RASGRP2: variants seen among roughly 807,000 people sequenced by gnomAD.
RASGRP2 encodes the protein RAS guanyl releasing protein 2.
A neutral mutation model predicts 71.0 loss-of-function variants in RASGRP2; 44 were observed. That is an observed-to-expected ratio of 0.62 (90% CI 0.49 to 0.80). The LOEUF (loss-of-function observed/expected upper bound fraction) is 0.80. RASGRP2 is among the 30% of genes least tolerant of loss of function. The pLI, the probability that RASGRP2 is intolerant of heterozygous loss-of-function variation, is 0.00. For missense variants in RASGRP2, 663 were observed against 813.4 expected, an observed-to-expected ratio of 0.82 and a Z score of 2.25; for synonymous variants, 350 against 330.7, an observed-to-expected ratio of 1.06 and a Z score of -0.63.
At position 64,743,873 on chromosome 11, in the gene RASGRP2, G is replaced by A. The variant is rs2058226172; in HGVS notation, c.-72+130C>T. The A allele has an allele frequency of 1.8e-6, 1 of 555,018 alleles. No individual in the cohort carries two copies. Among genetic ancestry groups the A allele is most frequent in the Non-Finnish European group, 2.4e-6 (1 of 419,380 alleles). 34.4% of individuals were successfully genotyped at this position (555,018 alleles called of 1,614,324 possible). A position where few individuals can be genotyped will look rare whatever the true frequency, so the allele number is the denominator to read the frequency against. On this transcript the variant is annotated intron_variant, in intron 1 of 16. Transcript: ENST00000394432. This position sits in a 1 kb window ranked among gnomAD's most constrained non-coding sequence, Gnocchi z 4.9. ...TATTCGTCGGAGGCCGGGGACCTAAGTGGAGGTGCAGGCGTCCGCACTTAC... is the reference window on the plus strand; with the variant it reads ...TATTCGTCGGAGGCCGGGGACCTAAATGGAGGTGCAGGCGTCCGCACTTAC...
chr11:64,741,104 G>T, intron 4 of RASGRP2, 25 bp from the exon 5 acceptor site: 1 of 1,609,640 alleles, frequency 6.2e-7, no homozygotes. Context: ...AGTCACCCAA[G>T]ATAGCCCTTC....
Position 64,730,083 on chromosome 11 carries a change from G to A in RASGRP2, c.1524C>T (p.Arg508=), listed in dbSNP as rs1216024059. The A allele has an allele frequency of 1.3e-6, 2 of 1,550,294 alleles. No individual in the cohort carries two copies. The highest frequency in any genetic ancestry group is 1.7e-6 in the Non-Finnish European group (2 of 1,147,348). ...VHNFQESNSL[R]PVACRHCKAL... is the part of the protein sequence containing the mutation. ...CTTTGCAGTGGCGGCAGGCGACGGG[G>A]CGCAAGGAGTTGCTCTCCTGGAAGT... The change falls in exon 13 of 17, where the codon CGC becomes CGT. Residue 508 remains arginine, a synonymous_variant. Coordinates refer to ENST00000394432, the MANE Select transcript of RASGRP2 (RefSeq NM_001098671.2).
chr11:64,727,320 C>CA lies in RASGRP2; in HGVS notation c.1811dup (p.Phe605ValfsTer2). Reference sequence around the variant, plus strand: ...CCATCTATTACAAGTGGATGTCAAACACCCCATCCTCCACCGTCTGTACCT... The same window carrying CA: ...CCATCTATTACAAGTGGATGTCAAACAACCCCATCCTCCACCGTCTGTACCT... On this transcript the variant is annotated frameshift_variant, in exon 16 of 17. Coordinates refer to ENST00000394432, the MANE Select transcript of RASGRP2 (RefSeq NM_001098671.2). LOFTEE classifies it high-confidence loss of function. The CA allele has an allele frequency of 6.2e-7, 1 of 1,613,872 alleles. No individual in the cohort carries two copies. The highest frequency in any genetic ancestry group is 8.5e-7 in the Non-Finnish European group (1 of 1,179,886).
intron 12 of RASGRP2, among the ~76,000 whole-genome samples, chr11:64,731,450 A>G (rs2057767013): frequency 6.6e-6 from 1 of 152,144 alleles, no homozygotes; most frequent in Non-Finnish European, 1.5e-5. Flanking sequence ...AAGAAGCCAG[A>G]AAGGAAAAGA....
At position 64,742,266 on chromosome 11, in the gene RASGRP2, A is replaced by G. The variant is rs1201042375; in HGVS notation, c.74-154T>C. On this transcript the variant is annotated intron_variant, in intron 2 of 16. Transcript: ENST00000394432. The surrounding 1 kb of genome is among the most constrained non-coding windows in gnomAD (Gnocchi z 4.7). ...CCAGGACTCCGAGAGCAGGAGGCAA[A>G]TTAGAGAGGAAAGGTGTGGTGGGCG... is the stretch of plus-strand genomic sequence containing the variant. 1.3e-5 allele frequency among the ~76,000 whole-genome samples: 2 copies of G among 151,990 alleles called. No homozygotes were observed. The highest frequency in any genetic ancestry group is 2.9e-5 in the Non-Finnish European group (2 of 67,970).
chr11:64,735,077 C>T lies in RASGRP2; in HGVS notation c.1412+35G>A, dbSNP rs1157868394. Reference sequence around the variant, plus strand: ...GCCCAGGCAGAAGTGGGCTGAGTTGCCTTCCCTCTCCCCCAGGTCCCCAGC... The same window carrying T: ...GCCCAGGCAGAAGTGGGCTGAGTTGTCTTCCCTCTCCCCCAGGTCCCCAGC... On this transcript the variant is annotated intron_variant, in intron 12 of 16. Transcript: ENST00000394432. The surrounding 1 kb of genome is among the most constrained non-coding windows in gnomAD (Gnocchi z 4.2). The T allele has an allele frequency of 1.3e-6, 2 of 1,524,256 alleles. No individual in the cohort carries two copies. The highest frequency in any genetic ancestry group is 2.2e-5 in the South Asian group (2 of 89,330). 94.4% of individuals were successfully genotyped at this position (1,524,256 alleles called of 1,614,324 possible).
At chr11:64,736,194 A>C (rs1244130884) in intron 9 of RASGRP2, among the ~76,000 whole-genome samples, 1 of 152,180 alleles carries the variant, frequency 6.6e-6, no homozygotes, top group Non-Finnish European at 1.5e-5. Flanking sequence ...TGAACACAAC[A>C]TATTGCCAAG....
rs1367371300 is a variant in RASGRP2, at chr11:64,742,963, G to C, written c.-71-26C>G. 1 of 1,516,934 alleles carries C rather than the reference G, an allele frequency of 6.6e-7. No homozygotes were observed. The highest frequency in any genetic ancestry group is 2.0e-5 in the Admixed American group (1 of 48,924). 94.0% of individuals were successfully genotyped at this position (1,516,934 alleles called of 1,614,324 possible). A position where few individuals can be genotyped will look rare whatever the true frequency, so the allele number is the denominator to read the frequency against. On this transcript the variant is annotated intron_variant, in intron 1 of 16. Transcript: ENST00000394432. The surrounding 1 kb of genome is among the most constrained non-coding windows in gnomAD (Gnocchi z 4.7). ...CTGTCCCGGGAGAGGCAGAGCGGGA[G>C]TCTGCGGAGTCGCGGGCGGGGGAGC...
upstream of RASGRP2, chr11:64,745,186 A>T (rs1307554863): frequency 1.3e-5 from 2 of 151,152 alleles, no homozygotes; most frequent in Non-Finnish European, 3.0e-5. Context: ...TGTCGGGCGG[A>T]GGAAGCCGGG....
chr11:64,742,856 G>A lies in RASGRP2; in HGVS notation c.11C>T (p.Thr4Ile). Residue 4 changes from threonine (T) to isoleucine (I), a missense_variant, in exon 2 of 17, where the codon ACC becomes ATC. Coordinates refer to ENST00000394432, the MANE Select transcript of RASGRP2 (RefSeq NM_001098671.2). The surrounding 1 kb of genome is among the most constrained non-coding windows in gnomAD (Gnocchi z 4.7). The part of the protein sequence containing the change: MAG[T>I]LDLDKGCTVE... The stretch of plus-strand genomic sequence containing the variant: ...CGTGCAGCCCTTGTCCAGGTCCAGG[G>A]TGCCTGCCATGGCCGCCGGCGCGGG... 6.2e-7 allele frequency: 1 copy of A among 1,600,784 alleles called. No individual in the cohort carries two copies. The highest frequency in any genetic ancestry group is 8.5e-7 in the Non-Finnish European group (1 of 1,176,030).
At chr11:64,736,676 A>G (rs1269122183) in intron 9 of RASGRP2, 77 bp downstream of exon 9, 1 of 1,482,262 alleles carries the variant, frequency 6.7e-7, no homozygotes, top group African/African-American at 1.4e-5. Flanking sequence ...GCCCCAGGCC[A>G]CGCCCACAGC....
At chr11:64,733,248 G>C (rs533596537) in intron 12 of RASGRP2, among the ~76,000 whole-genome samples, 2 of 152,236 alleles carry the variant, frequency 1.3e-5, no homozygotes, top group East Asian at 1.9e-4. Flanking sequence ...TTGTAAGAAA[G>C]AAATGGAAAC....
chr11:64,739,674 G>A lies in RASGRP2; in HGVS notation c.658C>T (p.Arg220Trp), dbSNP rs1352326694. The change falls in exon 7 of 17, where the codon CGG (arginine) becomes TGG (tryptophan). Residue 220 changes from arginine (R) to tryptophan (W), a missense_variant. Physicochemically the swap from Arg to Trp is moderately radical, Grantham distance 101. Transcript: ENST00000394432. This position sits in a 1 kb window ranked among gnomAD's most constrained non-coding sequence, Gnocchi z 4.2. The stretch of plus-strand genomic sequence containing the variant: ...ACAAAGTGTGTGATGACCAGGGCCC[G>A]CTGCGGGGCTGTGGGTTTGCTGAGG... ...MILSKPTAPQ[R>W]ALVITHFVHV... 6 of 1,613,960 alleles carry A rather than the reference G, an allele frequency of 3.7e-6. No individual in the cohort carries two copies. Among genetic ancestry groups the A allele is most frequent in the East Asian group, 2.2e-5 (1 of 44,876 alleles).
intron 8 of RASGRP2, among the ~76,000 whole-genome samples, chr11:64,738,777 C>CAATACTTCAA (rs1321220195): frequency 1.3e-5 from 2 of 151,674 alleles, no homozygotes; most frequent in Non-Finnish European, 2.9e-5. Flanking sequence ...GTATGTTACT[C>CAATACTTCAA]AATACTTCAA....
At chr11:64,729,106 G>A (rs1396579659) in intron 14 of RASGRP2, 64 bp from the exon 15 acceptor site, 21 of 1,483,984 alleles carry the variant, frequency 1.4e-5, no homozygotes, top group South Asian at 6.0e-5. Context: ...ATCCCATCCC[G>A]CAGGCTTGTG....
At position 64,743,628 on chromosome 11, in the gene RASGRP2, T is replaced by C. The variant is rs954897645; in HGVS notation, c.-72+375A>G. ...GCCACCTCCGCAAAGGTCCCAGGGGTCCCGGCTCAGCTTGTCCACAGGCCC... is the reference window on the plus strand; with the variant it reads ...GCCACCTCCGCAAAGGTCCCAGGGGCCCCGGCTCAGCTTGTCCACAGGCCC... On this transcript the variant is annotated intron_variant, in intron 1 of 16. Transcript: ENST00000394432. The surrounding 1 kb of genome is among the most constrained non-coding windows in gnomAD (Gnocchi z 4.9). 2.9e-5 allele frequency: 12 copies of C among 418,434 alleles called. No individual in the cohort carries two copies. Among genetic ancestry groups the C allele is most frequent in the African/African-American group, 2.1e-4 (10 of 47,504 alleles). The allele number at this position is 418,434 out of a possible 1,614,324, so 25.9% of individuals were successfully genotyped here.
chr11:64,743,180 G>A lies in RASGRP2; in HGVS notation c.-71-243C>T, dbSNP rs1480856227. The A allele has an allele frequency of 1.7e-6, 1 of 581,300 alleles. No individual in the cohort carries two copies. Among genetic ancestry groups the A allele is most frequent in the Non-Finnish European group, 3.2e-6 (1 of 307,924 alleles). The allele number at this position is 581,300 out of a possible 1,614,324, so 36.0% of individuals were successfully genotyped here. On this transcript the variant is annotated intron_variant, in intron 1 of 16. Transcript: ENST00000394432. This position sits in a 1 kb window ranked among gnomAD's most constrained non-coding sequence, Gnocchi z 4.9. ...CGGGAAGGCCGAGGGGCTTCACGAG[G>A]ATGGGGACGAACCAAGATCCCAGGA...
chr11:64,734,480 T>G (rs1254100030), intron 12 of RASGRP2, among the ~76,000 whole-genome samples: 1 of 152,030 alleles, frequency 6.6e-6, no homozygotes, highest in Non-Finnish European at 1.5e-5. Context: ...AACATTTTGT[T>G]CACTATAAAT....
chr11:64,741,201 T>C (rs2058110009), intron 4 of RASGRP2, 122 bp from the exon 5 acceptor site: 1 of 1,314,206 alleles, frequency 7.6e-7, no homozygotes, highest in Non-Finnish European at 1.1e-6. Context: ...GTTCCAGCTC[T>C]TTCCTTCGCC....
Sources: allele counts gnomAD v4.1 joint callset (sites outside exome capture counted in the v4.1 genomes callset), GRCh38; gene constraint gnomAD v4.1.1; non-coding constraint Gnocchi (gnomAD v3.1); transcripts MANE v1.5; gene names NCBI Gene and HGNC (gene_info 2026-07-23, HGNC 2026-07-21).